The following THADA variants were observed in gnomAD, a reference collection of about 807,000 sequenced individuals.
The protein encoded by THADA is THADA armadillo repeat containing.
THADA carries 213 observed loss-of-function variants against 219.8 expected under a neutral mutation model. That is an observed-to-expected ratio of 0.97 (90% CI 0.87 to 1.09). The LOEUF is 1.09. Ranked by LOEUF, THADA falls within the 50% of genes least tolerant of loss-of-function variation. The pLI is 0.00. For synonymous variants in THADA, 1,018 were observed against 828.9 expected, an observed-to-expected ratio of 1.23 and a Z score of -3.92; for missense variants, 2,956 against 2,311.3, an observed-to-expected ratio of 1.28 and a Z score of -5.72.
At position 43,473,770 on chromosome 2, in the gene THADA, A is replaced by G. The variant is rs373683794; in HGVS notation, c.3836+11464T>C. On this transcript the variant is annotated intron_variant, in intron 26 of 37. Coordinates refer to ENST00000405975, the MANE Select transcript of THADA (RefSeq NM_022065.5). The stretch of plus-strand genomic sequence containing the variant: ...ATTACAGGCGCCTGCCACCACACCC[A>G]GCTAATTTTTGTATTTTTAGTAGAG... 3.3e-5 allele frequency among the ~76,000 whole-genome samples: 5 copies of G among 151,920 alleles called. No individual in the cohort carries two copies. In the East Asian group the frequency reaches 9.6e-4, roughly 29 times the overall value.
intron 30 of THADA, among the ~76,000 whole-genome samples, chr2:43,337,710 C>A (rs1363455173): frequency 6.6e-6 from 1 of 152,056 alleles, no homozygotes; most frequent in African/African-American, 2.4e-5. Flanking sequence ...CACACACACA[C>A]ACACACACAC....
chr2:43,248,216 C>CAGAG (rs1265680923), intron 36 of THADA, among the ~76,000 whole-genome samples: 1 of 83,196 alleles, frequency 1.2e-5, no homozygotes, highest in Non-Finnish European at 2.3e-5. Flanking sequence ...GAGAGAGAGA[C>CAGAG]AGAGAGAGAG....
intron 23 of THADA, among the ~76,000 whole-genome samples, chr2:43,508,068 C>A (rs1372219039): frequency 2.0e-5 from 3 of 151,940 alleles, no homozygotes; most frequent in Non-Finnish European, 4.4e-5. Context: ...GTCTCTGTGG[C>A]CTTTGGTAAG....
intron 31 of THADA, among the ~76,000 whole-genome samples, chr2:43,315,586 CTGAG>C (rs1364228440): frequency 6.6e-6 from 1 of 152,056 alleles, no homozygotes; most frequent in African/African-American, 2.4e-5. Flanking sequence ...CCTCAGCATC[CTGAG>C]TATCTGGGAC....
chr2:43,312,339 C>T (rs888042981), intron 31 of THADA, among the ~76,000 whole-genome samples: 1 of 152,098 alleles, frequency 6.6e-6, no homozygotes, highest in Non-Finnish European at 1.5e-5. Flanking sequence ...ACAACTCTCA[C>T]ATTATATGAG....
chr2:43,576,546 A>G (rs1395125554), intron 10 of THADA, among the ~76,000 whole-genome samples: 2 of 152,262 alleles, frequency 1.3e-5, no homozygotes, highest in African/African-American at 2.4e-5. Context: ...TATAAATTCT[A>G]AAACACTATA....
At chr2:43,273,868 CTG>C (rs1672417461) in intron 36 of THADA, among the ~76,000 whole-genome samples, 1 of 152,138 alleles carries the variant, frequency 6.6e-6, no homozygotes, top group African/African-American at 2.4e-5. Flanking sequence ...CTCACGGGCT[CTG>C]TGTGGGTGAC....
At chr2:43,550,788 C>G (rs943352219) in intron 19 of THADA, among the ~76,000 whole-genome samples, 2 of 152,100 alleles carry the variant, frequency 1.3e-5, no homozygotes, top group African/African-American at 4.8e-5. Flanking sequence ...TTGCATGTTC[C>G]TTATTCTTAT....
intron 30 of THADA, chr2:43,343,212 G>A (rs1667247011): frequency 6.6e-6 from 1 of 152,072 alleles, no homozygotes; most frequent in African/African-American, 2.4e-5. Context: ...TGTTGTCGTT[G>A]TTTTGTAGAG....
At chr2:43,377,047 A>G (rs1208682479) in intron 29 of THADA, among the ~76,000 whole-genome samples, 1 of 152,214 alleles carries the variant, frequency 6.6e-6, no homozygotes, top group African/African-American at 2.4e-5. Flanking sequence ...ATGACTCAAC[A>G]CGACCTATTC....
At chr2:43,450,559 C>T (rs576305752) in intron 26 of THADA, among the ~76,000 whole-genome samples, 32 of 151,554 alleles carry the variant, frequency 2.1e-4, no homozygotes, top group Admixed American at 8.5e-4. Context: ...AAAAAATAAA[C>T]TAAACATTAA....
At chr2:43,425,376 T>C (rs931995538) in intron 28 of THADA, among the ~76,000 whole-genome samples, 1 of 151,970 alleles carries the variant, frequency 6.6e-6, no homozygotes, top group East Asian at 1.9e-4. Context: ...CAAAATCTAC[T>C]TCTTAATAAA....
chr2:43,465,052 CTT>C (rs1014516112), intron 26 of THADA, among the ~76,000 whole-genome samples: 1 of 152,170 alleles, frequency 6.6e-6, no homozygotes, highest in Non-Finnish European at 1.5e-5. Flanking sequence ...ATAATTTCCT[CTT>C]GTTTTCCCTG....
At chr2:43,452,668 T>C (rs1466197701) in intron 26 of THADA, among the ~76,000 whole-genome samples, 1 of 152,170 alleles carries the variant, frequency 6.6e-6, no homozygotes, top group Non-Finnish European at 1.5e-5. Flanking sequence ...CAGGTTAGAT[T>C]AAGGTTCCTC....
chr2:43,570,354 A>C, intron 14 of THADA, 34 bp downstream of exon 14: 6 of 1,562,930 alleles, frequency 3.8e-6, no homozygotes, highest in Non-Finnish European at 5.2e-6. Flanking sequence ...TTAATTTAAA[A>C]AAAAACTCTC....
chr2:43,332,558 C>T (rs1019433757), intron 30 of THADA, among the ~76,000 whole-genome samples: 1 of 152,136 alleles, frequency 6.6e-6, no homozygotes, highest in African/African-American at 2.4e-5. Context: ...CTGAGAATGG[C>T]TCAATGAAGG....
intron 26 of THADA, among the ~76,000 whole-genome samples, chr2:43,435,117 T>C (rs1360457314): frequency 6.6e-6 from 1 of 152,162 alleles, no homozygotes; most frequent in Non-Finnish European, 1.5e-5. Flanking sequence ...CTACTACGTA[T>C]ACAAATTAAA....
intron 26 of THADA, among the ~76,000 whole-genome samples, chr2:43,476,672 T>G (rs116336691): frequency 6.6e-6 from 1 of 152,272 alleles, no homozygotes; most frequent in Middle Eastern, 3.4e-3. Flanking sequence ...AAGACTGTAT[T>G]TCAAAGCTGG....
chr2:43,292,012 C>A, intron 33 of THADA, 92 bp downstream of exon 33: 4 of 874,990 alleles, frequency 4.6e-6, no homozygotes, highest in Non-Finnish European at 5.2e-6. Flanking sequence ...GGACCTGAGA[C>A]CTGAGGGCAG....
Sources: gnomAD v4.1 joint callset for allele counts (sites outside exome capture counted in the v4.1 genomes callset) on GRCh38, gnomAD v4.1.1 for gene constraint, MANE v1.5 for transcripts, NCBI Gene and HGNC (gene_info 2026-07-23, HGNC 2026-07-21) for gene names.